The following PIK3R1 variants were observed in gnomAD, a reference collection of about 807,000 sequenced individuals.
PIK3R1 encodes phosphatidylinositol 3-kinase regulatory subunit alpha.
PIK3R1 carries 29 observed loss-of-function variants against 98.0 expected under a neutral mutation model. The observed-to-expected ratio is 0.30, with a 90% CI of 0.22 to 0.40. The LOEUF (loss-of-function observed/expected upper bound fraction) is 0.40, where lower values mean the gene tolerates loss of function less well. Ranked by LOEUF, PIK3R1 falls within the 10% of genes least tolerant of loss-of-function variation. The pLI is 1.00. For synonymous variants in PIK3R1, 282 were observed against 311.8 expected, an observed-to-expected ratio of 0.90 and a Z score of 1.01; for missense variants, 596 against 872.7, an observed-to-expected ratio of 0.68 and a Z score of 3.99.
rs747551784 is a variant in PIK3R1 at position 68,226,993 on chromosome 5, A to G, written c.318A>G (p.Ala106=). The stretch of plus-strand genomic sequence containing the variant: ...CACCAGGTTCTTCGAAAACTGAAGC[A>G]GATGTTGAACAACAAGGTCAGTATT... The part of the protein sequence containing the change: ...PVAPGSSKTE[A]DVEQQALTLP... Residue 106 remains alanine, a synonymous_variant, in exon 2 of 16, where the codon GCA becomes GCG. Coordinates refer to ENST00000521381, the MANE Select transcript of PIK3R1 (RefSeq NM_181523.3). 1 of 1,612,058 alleles carries G rather than the reference A, an allele frequency of 6.2e-7. No individual in the cohort carries two copies. Among genetic ancestry groups the G allele is most frequent in the Admixed American group, 1.7e-5 (1 of 59,540 alleles).
At position 68,247,817 on chromosome 5, in the gene PIK3R1, G is replaced by A. The variant is rs376247633; in HGVS notation, c.334+20808G>A. 9.9e-5 allele frequency among the ~76,000 whole-genome samples: 15 copies of A among 152,230 alleles called. No individual in the cohort carries two copies. The East Asian group carries it at 2.9e-3, about 29-fold the overall frequency. On this transcript the variant is annotated intron_variant, in intron 2 of 15. Coordinates refer to ENST00000521381, the MANE Select transcript of PIK3R1 (RefSeq NM_181523.3). ...TTCCTGCCCAACGGGACAGGCCAGT[G>A]GTGACGTTGGCCTTTGGTGCCAGGG...
At chr5:68,280,502 C>CTTTT in intron 5 of PIK3R1, 26 bp from the exon 6 acceptor site, 1 of 1,287,486 alleles carries the variant, frequency 7.8e-7, no homozygotes, top group Non-Finnish European at 1.1e-6. Context: ...ACTCATTTCT[C>CTTTT]TTTTTTTTTT....
At chr5:68,217,627 G>GGTGTGT (rs1332047566) in intron 1 of PIK3R1, 2 of 121,214 alleles carry the variant, frequency 1.6e-5, no homozygotes, top group East Asian at 2.0e-4. Context: ...GTAATGTGTG[G>GGTGTGT]GGGTGTGTGT....
chr5:68,238,978 A>G (rs548880739), intron 2 of PIK3R1, among the ~76,000 whole-genome samples: 2 of 115,270 alleles, frequency 1.7e-5, no homozygotes, highest in South Asian at 3.0e-4. Context: ...TAAATGCCAA[A>G]AAAAAAAAAA....
intron 1 of PIK3R1, among the ~76,000 whole-genome samples, chr5:68,216,378 C>G (rs1053520332): frequency 5.9e-5 from 9 of 152,190 alleles, no homozygotes; most frequent in Non-Finnish European, 1.2e-4. Flanking sequence ...CTTCGTGTTG[C>G]GGGAAGGAGC....
At chr5:68,263,138 T>C (rs1283604692) in intron 2 of PIK3R1, among the ~76,000 whole-genome samples, 1 of 18,748 alleles carries the variant, frequency 5.3e-5, no homozygotes, top group Non-Finnish European at 1.1e-4. Context: ...CATAGATACA[T>C]ATATATTTAT....
intron 2 of PIK3R1, among the ~76,000 whole-genome samples, chr5:68,231,294 C>G (rs867270125): frequency 6.6e-6 from 1 of 152,210 alleles, no homozygotes; most frequent in African/African-American, 2.4e-5. Context: ...TTACTGCATA[C>G]CCACCTCCAT....
At chr5:68,236,426 T>G (rs1744673288) in intron 2 of PIK3R1, among the ~76,000 whole-genome samples, 1 of 124,652 alleles carries the variant, frequency 8.0e-6, no homozygotes, top group Admixed American at 8.4e-5. Context: ...ATTTTTTGTA[T>G]TTTTTGTAGA....
At position 68,215,756 on chromosome 5, in the gene PIK3R1, G is replaced by A. The variant is rs1032164859; in HGVS notation, c.-580G>A. The A allele has an allele frequency of 6.5e-6, 1 of 153,174 alleles. No individual in the cohort carries two copies. Among genetic ancestry groups the A allele is most frequent in the Non-Finnish European group, 1.5e-5 (1 of 68,398 alleles). The allele number at this position is 153,174 out of a possible 1,614,324, so 9.5% of individuals were successfully genotyped here. A position where few individuals can be genotyped will look rare whatever the true frequency, so the allele number is the denominator to read the frequency against. On this transcript the variant is annotated 5_prime_UTR_variant, in exon 1 of 16. Coordinates refer to ENST00000521381, the MANE Select transcript of PIK3R1 (RefSeq NM_181523.3). Reference sequence around the variant, plus strand: ...TGGAGCTGCGGGCGCACGGAGAGGAGTCGCCAGCAGCTGGAGCGGAGTTGG... The same window carrying A: ...TGGAGCTGCGGGCGCACGGAGAGGAATCGCCAGCAGCTGGAGCGGAGTTGG...
At chr5:68,274,038 C>G (rs919832626) in intron 4 of PIK3R1, 25 bp downstream of exon 4, 16 of 1,575,352 alleles carry the variant, frequency 1.0e-5, no homozygotes, top group Non-Finnish European at 1.4e-5. Flanking sequence ...GCTAGAAATG[C>G]AAATGGGAAA....
chr5:68,239,801 A>G (rs1156509572), intron 2 of PIK3R1: 2 of 495,458 alleles, frequency 4.0e-6, no homozygotes, highest in South Asian at 1.6e-5. Flanking sequence ...GCGGTCTGAT[A>G]TGACAAAGTG....
chr5:68,231,923 A>G (rs1182187907), intron 2 of PIK3R1, among the ~76,000 whole-genome samples: 1 of 152,194 alleles, frequency 6.6e-6, no homozygotes, highest in Non-Finnish European at 1.5e-5. Flanking sequence ...AAGTTGGGTC[A>G]GTTACAGGAT....
Position 68,296,282 on chromosome 5 carries a change from A to C in PIK3R1, c.1926A>C (p.Arg642=). The C allele has an allele frequency of 6.2e-7, 1 of 1,614,212 alleles. No homozygotes were observed. The highest frequency in any genetic ancestry group is 8.5e-7 in the Non-Finnish European group (1 of 1,180,026). ...CTGAAAACCTGTTGCGAGGGAAGCG[A>C]GATGGCACTTTTCTTGTCCGGGAGA... The part of the protein sequence containing the change: ...NKAENLLRGK[R]DGTFLVRESS... The change falls in exon 15 of 16, where the codon CGA becomes CGC. Residue 642 remains arginine (R), a synonymous_variant. Coordinates refer to ENST00000521381, the MANE Select transcript of PIK3R1 (RefSeq NM_181523.3).
intron 7 of PIK3R1, chr5:68,292,028 G>A (rs1443754375): frequency 2.8e-6 from 1 of 354,934 alleles, no homozygotes; most frequent in Non-Finnish European, 5.1e-6. Context: ...TTATTTGTTA[G>A]TTTCTAAGGC....
At chr5:68,244,527 C>CCCCCCG (rs70987198) in intron 2 of PIK3R1, among the ~76,000 whole-genome samples, 3 of 43,020 alleles carry the variant, frequency 7.0e-5, no homozygotes, top group Admixed American at 1.5e-4. Context: ...CCCCCCGCCC[C>CCCCCCG]CCGCCGCCGC....
At chr5:68,293,270 G>T in intron 9 of PIK3R1, 33 bp from the exon 10 acceptor site, 2 of 1,598,500 alleles carry the variant, frequency 1.3e-6, no homozygotes, top group Non-Finnish European at 1.7e-6. Context: ...ATTCCAAAAT[G>T]TTAATACCTT....
rs1334609671 is a variant in PIK3R1 at position 68,262,884 on chromosome 5, GATACATGTATACATAT to G, written c.335-10496_335-10481del. 6.9e-5 allele frequency among the ~76,000 whole-genome samples: 8 copies of G among 115,438 alleles called. 1 individual carries two copies. The highest frequency in any genetic ancestry group is 2.4e-4 in the Admixed American group (3 of 12,532). 75.7% of individuals were successfully genotyped at this position (115,438 alleles called of 152,430 possible). On this transcript the variant is annotated intron_variant, in intron 2 of 15. Coordinates refer to ENST00000521381, the MANE Select transcript of PIK3R1 (RefSeq NM_181523.3). Reference sequence around the variant, plus strand: ...ACATGTATACATGTAGATACATGTAGATACATGTATACATATATACATGTAGATACATGTAGATACA... The same window carrying G: ...ACATGTATACATGTAGATACATGTAGATACATGTAGATACATGTAGATACA...
intron 7 of PIK3R1, among the ~76,000 whole-genome samples, chr5:68,281,883 T>A (rs184176528): frequency 3.6e-4 from 55 of 152,294 alleles, no homozygotes; most frequent in Non-Finnish European, 5.9e-4. Context: ...TAAGTTGTGC[T>A]TTTTCTTAAT....
intron 1 of PIK3R1, among the ~76,000 whole-genome samples, chr5:68,223,497 T>G (rs542454061): frequency 6.6e-6 from 1 of 152,116 alleles, no homozygotes; most frequent in Non-Finnish European, 1.5e-5. Context: ...TGGCCTTACT[T>G]TGGGGTCTCA....
Sources: gnomAD v4.1 joint callset for allele counts (sites outside exome capture counted in the v4.1 genomes callset) on GRCh38, gnomAD v4.1.1 for gene constraint, MANE v1.5 for transcripts, NCBI Gene and HGNC (gene_info 2026-07-23, HGNC 2026-07-21) for gene names.